CADM2: variants seen among roughly 807,000 people sequenced by gnomAD.
The protein encoded by CADM2 is cell adhesion molecule 2.
In CADM2, 12 loss-of-function variants were observed where a neutral mutation model predicts 49.8. That is an observed-to-expected ratio of 0.24 (90% confidence interval 0.15 to 0.39). The LOEUF (loss-of-function observed/expected upper bound fraction) is 0.39, where lower values mean the gene tolerates loss of function less well. Among genes scored for constraint, CADM2 ranks in the 10% least tolerant of loss-of-function variants. The pLI, the probability that CADM2 is intolerant of heterozygous loss-of-function variation, is 1.00. For synonymous variants in CADM2, 214 were observed against 175.4 expected (o/e 1.22, Z -1.74); for missense variants, 378 against 492.3 (o/e 0.77, Z 2.20).
chr3:85,229,832 G>A (rs1313625740), intron 1 of CADM2, among the ~76,000 whole-genome samples: 1 of 152,120 alleles, frequency 6.6e-6, no homozygotes, highest in African/African-American at 2.4e-5. Flanking sequence ...GGCTCCGTTT[G>A]TCAGGTTTTT....
chr3:86,018,780 C>A (rs1326897230), intron 8 of CADM2, among the ~76,000 whole-genome samples: 4 of 151,750 alleles, frequency 2.6e-5, no homozygotes, highest in Non-Finnish European at 5.9e-5. Context: ...GATATTAGCC[C>A]TTTGTCAGAT....
At chr3:85,447,792 G>A (rs1274018958) in intron 1 of CADM2, among the ~76,000 whole-genome samples, 3 of 152,142 alleles carry the variant, frequency 2.0e-5, no homozygotes, top group African/African-American at 4.8e-5. Context: ...GAGATGAGAT[G>A]AATACATTAT....
intron 1 of CADM2, among the ~76,000 whole-genome samples, chr3:85,493,816 T>G (rs2039775711): frequency 8.5e-5 from 13 of 152,202 alleles, no homozygotes; most frequent in Admixed American, 8.5e-4. Context: ...CCGGCAAGAT[T>G]GAAAGAAAAT....
intron 1 of CADM2, among the ~76,000 whole-genome samples, chr3:85,530,352 A>G (rs1391972964): frequency 2.2e-5 from 2 of 89,422 alleles, no homozygotes; most frequent in Non-Finnish European, 3.6e-5. Context: ...TTTTTTTGAG[A>G]CGGAGTCTCA....
intron 3 of CADM2, among the ~76,000 whole-genome samples, chr3:85,821,790 T>C (rs189619605): frequency 6.6e-6 from 1 of 152,312 alleles, no homozygotes; most frequent in East Asian, 1.9e-4. Flanking sequence ...GCTTTTGTAA[T>C]GTACAATAAA....
chr3:85,719,822 G>GT (rs2107762995), intron 1 of CADM2, among the ~76,000 whole-genome samples: 1 of 152,028 alleles, frequency 6.6e-6, no homozygotes, highest in East Asian at 1.9e-4. Flanking sequence ...CATGTTAACA[G>GT]TTTTTTACTA....
chr3:85,953,725 A>G (rs1395986314), intron 7 of CADM2, among the ~76,000 whole-genome samples: 1 of 150,964 alleles, frequency 6.6e-6, no homozygotes, highest in Non-Finnish European at 1.5e-5. Flanking sequence ...TATACACCTC[A>G]CAATCCCTGG....
At chr3:85,023,375 T>C (rs2034590532) in intron 1 of CADM2, among the ~76,000 whole-genome samples, 2 of 152,026 alleles carry the variant, frequency 1.3e-5, no homozygotes. Context: ...TGCTTTTTAT[T>C]TGTGATTTCT....
At chr3:85,742,559 T>A (rs1290966492) in intron 2 of CADM2, among the ~76,000 whole-genome samples, 1 of 152,220 alleles carries the variant, frequency 6.6e-6, no homozygotes, top group Admixed American at 6.5e-5. Flanking sequence ...CTGTTTTAAT[T>A]AATATTATTT....
intron 1 of CADM2, among the ~76,000 whole-genome samples, chr3:85,641,594 C>T (rs1352992267): frequency 6.6e-6 from 1 of 151,950 alleles, no homozygotes; most frequent in Non-Finnish European, 1.5e-5. Context: ...TCCTTTAAAC[C>T]TCTGGGGGAC....
chr3:85,403,384 C>A (rs1305917735), intron 1 of CADM2, among the ~76,000 whole-genome samples: 1 of 152,090 alleles, frequency 6.6e-6, no homozygotes, highest in South Asian at 2.1e-4. Flanking sequence ...GCATTTCTTG[C>A]ACTTATGTTA....
At chr3:85,457,743 A>G (rs1166182630) in intron 1 of CADM2, among the ~76,000 whole-genome samples, 9 of 152,200 alleles carry the variant, frequency 5.9e-5, no homozygotes, top group Non-Finnish European at 2.9e-5. Context: ...GATTGACACT[A>G]TAATATTAAA....
intron 1 of CADM2, among the ~76,000 whole-genome samples, chr3:85,658,918 G>A (rs756482502): frequency 8.6e-5 from 13 of 150,932 alleles, no homozygotes; most frequent in Non-Finnish European, 1.6e-4. Context: ...CAGGCACAGT[G>A]GTGTGCACCT....
intron 1 of CADM2, among the ~76,000 whole-genome samples, chr3:85,554,816 G>A (rs978945033): frequency 9.0e-6 from 1 of 110,524 alleles, no homozygotes; most frequent in Non-Finnish European, 2.2e-5. Flanking sequence ...GAGTAGCTAG[G>A]AGTACAGGTG....
intron 3 of CADM2, among the ~76,000 whole-genome samples, chr3:85,855,602 CATATATATATATATAA>C (rs2075280060): frequency 7.7e-6 from 1 of 129,376 alleles, no homozygotes; most frequent in African/African-American, 2.7e-5. Flanking sequence ...ATATATAAAA[CATATATATATATATAA>C]AACATATATA....
At chr3:85,340,709 T>C (rs1320736651) in intron 1 of CADM2, among the ~76,000 whole-genome samples, 1 of 151,682 alleles carries the variant, frequency 6.6e-6, no homozygotes, top group Non-Finnish European at 1.5e-5. Flanking sequence ...TTTACCTCTT[T>C]AAAAGAATTG....
chr3:85,632,922 ATT>A (rs555614064), intron 1 of CADM2, among the ~76,000 whole-genome samples: 146 of 152,202 alleles, frequency 9.6e-4, no homozygotes, highest in African/African-American at 3.4e-3. Flanking sequence ...AACAGAATAG[ATT>A]TTATCTAAAA....
At chr3:85,582,750 T>A (rs1232138368) in intron 1 of CADM2, among the ~76,000 whole-genome samples, 17 of 152,110 alleles carry the variant, frequency 1.1e-4, no homozygotes, top group Admixed American at 1.0e-3. Context: ...TTGGCAGACA[T>A]AATTAGACAA....
At chr3:85,559,963 A>G (rs936138448) in intron 1 of CADM2, among the ~76,000 whole-genome samples, 3 of 152,186 alleles carry the variant, frequency 2.0e-5, no homozygotes, top group African/African-American at 4.8e-5. Flanking sequence ...AAAATAACAT[A>G]AATAAGTTCA....
Sources: allele counts gnomAD v4.1 joint callset (sites outside exome capture counted in the v4.1 genomes callset), GRCh38; gene constraint gnomAD v4.1.1; transcripts MANE v1.5; gene names NCBI Gene and HGNC (gene_info 2026-07-23, HGNC 2026-07-21).